FRMD3: variants seen among roughly 807,000 people sequenced by gnomAD.
FRMD3 encodes the protein FERM domain-containing protein 3.
FRMD3 carries 33 observed loss-of-function variants against 70.2 expected under a neutral mutation model. The observed-to-expected ratio is 0.47, with a 90% CI of 0.36 to 0.63. The LOEUF (loss-of-function observed/expected upper bound fraction) is 0.63. Among genes scored for constraint, FRMD3 ranks in the 20% least tolerant of loss-of-function variants. FRMD3 has a pLI of 0.00. For synonymous variants in FRMD3, 279 were observed against 255.9 expected (o/e 1.09, Z -0.86); for missense variants, 632 against 711.4 (o/e 0.89, Z 1.27).
chr9:83,448,273 C>T (rs1159896830), intron 1 of FRMD3, among the ~76,000 whole-genome samples: 3 of 152,190 alleles, frequency 2.0e-5, no homozygotes, highest in African/African-American at 7.2e-5. Context: ...ACCTCTGCCA[C>T]AGTCCCCACC....
At chr9:83,349,862 TG>T (rs1367114462) in intron 3 of FRMD3, 105 bp from the exon 4 acceptor site, 2 of 743,532 alleles carry the variant, frequency 2.7e-6, no homozygotes, top group Non-Finnish European at 4.5e-6. Context: ...GCCTGGGGAG[TG>T]GGGGCCAGGA....
At chr9:83,278,227 T>C (rs1355188541) in intron 13 of FRMD3, among the ~76,000 whole-genome samples, 2 of 152,104 alleles carry the variant, frequency 1.3e-5, no homozygotes, top group African/African-American at 4.8e-5. Flanking sequence ...CTCAGCCTAT[T>C]CAAGGGAGAA....
intron 1 of FRMD3, among the ~76,000 whole-genome samples, chr9:83,390,677 C>A (rs1825643367): frequency 6.6e-6 from 1 of 152,190 alleles, no homozygotes; most frequent in African/African-American, 2.4e-5. Flanking sequence ...CAACAAAAAT[C>A]TCTTCAGAGC....
intron 1 of FRMD3, among the ~76,000 whole-genome samples, chr9:83,486,528 C>T (rs899057500): frequency 2.0e-5 from 3 of 152,090 alleles, no homozygotes; most frequent in Non-Finnish European, 1.5e-5. Context: ...TAAGATAGAT[C>T]AAAGATTTCA....
chr9:83,486,640 T>C lies in FRMD3; in HGVS notation c.147+51445A>G, dbSNP rs189147640. 5.6e-3 allele frequency among the ~76,000 whole-genome samples: 855 copies of C among 152,254 alleles called. 8 individuals carry two copies. The highest frequency in any genetic ancestry group is 0.02 in the African/African-American group (813 of 41,550). ...TTTATGGCTAAGTCCTCACAAGCAA[T>C]TGCAACAAAAACAAAAATTGACAAG... On this transcript the variant is annotated intron_variant, in intron 1 of 13. Transcript: ENST00000304195.
intron 3 of FRMD3, 128 bp downstream of exon 3, chr9:83,372,785 G>C: frequency 3.7e-6 from 3 of 813,224 alleles, no homozygotes; most frequent in East Asian, 2.4e-5. Flanking sequence ...CCTGGGGAGA[G>C]AGAAGCCCCC....
chr9:83,320,339 G>C lies in FRMD3; in HGVS notation c.597-6592C>G, dbSNP rs76640834. On this transcript the variant is annotated intron_variant, in intron 6 of 13. Coordinates refer to ENST00000304195, the MANE Select transcript of FRMD3 (RefSeq NM_174938.6). ...TTAAGATATGTTCCTTCTATGTCTG[G>C]GTTGTTGAGGATTTTCTCATGAAGA... is the stretch of plus-strand genomic sequence containing the variant. Among the ~76,000 whole-genome samples the C allele has an allele frequency of 5.2e-3, 784 of 152,138 alleles. 4 individuals carry two copies. Among genetic ancestry groups the C allele is most frequent in the Middle Eastern group, 0.017 (5 of 294 alleles).
chr9:83,258,062 C>T (rs950347570), intron 13 of FRMD3, among the ~76,000 whole-genome samples: 3 of 152,112 alleles, frequency 2.0e-5, no homozygotes, highest in Non-Finnish European at 4.4e-5. Context: ...AAAGACTGCC[C>T]GTTGATGACA....
intron 1 of FRMD3, among the ~76,000 whole-genome samples, chr9:83,466,556 G>T (rs1238575657): frequency 6.6e-6 from 1 of 152,112 alleles, no homozygotes; most frequent in Non-Finnish European, 1.5e-5. Flanking sequence ...CTGAGCGTTT[G>T]CCTAACAGAC....
At chr9:83,556,351 G>C in the FRMD3 span, among the ~76,000 whole-genome samples, 1 of 152,198 alleles carries the variant, frequency 6.6e-6, no homozygotes, top group South Asian at 2.1e-4. Context: ...CCTACAGCCA[G>C]CAAGCTCTTG....
At chr9:83,529,915 G>A (rs979278198) in intron 1 of FRMD3, among the ~76,000 whole-genome samples, 1 of 152,134 alleles carries the variant, frequency 6.6e-6, no homozygotes, top group South Asian at 2.1e-4. Context: ...CCAGAGAAAT[G>A]CAAATCAAAA....
intron 1 of FRMD3, among the ~76,000 whole-genome samples, chr9:83,525,485 C>A (rs2131550969): frequency 1.3e-5 from 2 of 152,256 alleles, no homozygotes; most frequent in Non-Finnish European, 2.9e-5. Context: ...TAAATAAATA[C>A]TAAATAAAGA....
chr9:83,442,645 AG>A lies in FRMD3; in HGVS notation c.148-52938del, dbSNP rs111468847. Among the ~76,000 whole-genome samples the A allele has an allele frequency of 4.0e-5, 6 of 150,566 alleles. No individual in the cohort carries two copies. The South Asian group carries it at 6.6e-4, about 17-fold the overall frequency. On this transcript the variant is annotated intron_variant, in intron 1 of 13. Transcript: ENST00000304195. ...AGCCTGAGCACTGAATCCTCAGTGGAGGGGGGGTACATTCCCCCTCCACGAC... is the reference window on the plus strand; with the variant it reads ...AGCCTGAGCACTGAATCCTCAGTGGAGGGGGGTACATTCCCCCTCCACGAC...
At chr9:83,273,123 T>C (rs1429937471) in intron 13 of FRMD3, among the ~76,000 whole-genome samples, 2 of 152,164 alleles carry the variant, frequency 1.3e-5, no homozygotes, top group African/African-American at 4.8e-5. Context: ...CCACCCCATC[T>C]GGGAGGTGTA....
At chr9:83,465,859 GA>G (rs1265473787) in intron 1 of FRMD3, among the ~76,000 whole-genome samples, 2 of 152,098 alleles carry the variant, frequency 1.3e-5, no homozygotes, top group African/African-American at 4.8e-5. Context: ...TTTAATTTGA[GA>G]AAGTCTTAAT....
intron 1 of FRMD3, among the ~76,000 whole-genome samples, chr9:83,500,502 GCACA>G (rs3084172): frequency 0.079 from 11,307 of 143,698 alleles, 577 homozygotes; most frequent in East Asian, 0.25. Flanking sequence ...GTGTATGCGC[GCACA>G]CACACACACA....
intron 1 of FRMD3, among the ~76,000 whole-genome samples, chr9:83,493,991 G>A (rs936449900): frequency 2.6e-5 from 4 of 152,148 alleles, no homozygotes; most frequent in African/African-American, 9.7e-5. Context: ...CTTATCACCC[G>A]CTGACCCAAA....
chr9:83,385,055 C>A (rs1483374727), intron 2 of FRMD3, among the ~76,000 whole-genome samples: 1 of 151,990 alleles, frequency 6.6e-6, no homozygotes, highest in Non-Finnish European at 1.5e-5. Context: ...AAACCCAGGA[C>A]AATGGACATC....
At chr9:83,361,825 G>C (rs1824594227) in intron 3 of FRMD3, among the ~76,000 whole-genome samples, 1 of 152,150 alleles carries the variant, frequency 6.6e-6, no homozygotes. Flanking sequence ...TGTGAAGATG[G>C]AGGCAGAGTG....
Sources: gnomAD v4.1 joint callset for allele counts (sites outside exome capture counted in the v4.1 genomes callset) on GRCh38, gnomAD v4.1.1 for gene constraint, MANE v1.5 for transcripts, NCBI Gene and HGNC (gene_info 2026-07-23, HGNC 2026-07-21) for gene names.